MTA3: variants seen among roughly 807,000 people sequenced by gnomAD.
MTA3 encodes the protein metastasis-associated protein MTA3.
In MTA3, 34 loss-of-function variants were observed where a neutral mutation model predicts 83.5. The observed-to-expected ratio is 0.41, with a 90% CI of 0.31 to 0.54. The LOEUF is 0.54. Ranked by LOEUF, MTA3 falls within the 20% of genes least tolerant of loss-of-function variation. The pLI is 0.33. For synonymous variants in MTA3, 303 were observed against 252.7 expected (o/e 1.20, Z -1.89); for missense variants, 761 against 726.4 (o/e 1.05, Z -0.55).
chr2:42,508,286 T>C (rs1290173929), intron 2 of MTA3, among the ~76,000 whole-genome samples: 2 of 152,140 alleles, frequency 1.3e-5, no homozygotes, highest in East Asian at 1.9e-4. Context: ...TCCAAACCCA[T>C]AGAATCTCCA....
Position 42,531,445 on chromosome 2 carries a change from CTTTTTTTTTTTT to C in MTA3, c.-141+36205_-141+36216del, listed in dbSNP as rs10659582. ...TTTTAGTAGGATTCAGAAGCAAACT[CTTTTTTTTTTTT>C]TTTTTTTTTTTTTGAGAAGGACTCT... is the stretch of plus-strand genomic sequence containing the variant. On this transcript the variant is annotated intron_variant, in intron 2 of 17. Transcript: ENST00000405592. Among the ~76,000 whole-genome samples the C allele has an allele frequency of 6.6e-5, 5 of 75,344 alleles. No individual in the cohort carries two copies. In the Admixed American group the frequency reaches 7.5e-4, roughly 11 times the overall value. 49.4% of individuals were successfully genotyped at this position (75,344 alleles called of 152,430 possible). A position where few individuals can be genotyped will look rare whatever the true frequency, so the allele number is the denominator to read the frequency against.
At chr2:42,625,084 T>C (rs759106363) in intron 4 of MTA3, among the ~76,000 whole-genome samples, 5 of 152,072 alleles carry the variant, frequency 3.3e-5, no homozygotes, top group African/African-American at 9.7e-5. Context: ...CAGGCTGGAG[T>C]GCAGTGGCGC....
chr2:42,712,080 A>G (rs963035583), intron 14 of MTA3, among the ~76,000 whole-genome samples: 1 of 152,146 alleles, frequency 6.6e-6, no homozygotes, highest in Non-Finnish European at 1.5e-5. Flanking sequence ...CACCATCACA[A>G]CCAGTGTCAT....
intron 3 of MTA3, among the ~76,000 whole-genome samples, chr2:42,596,661 C>T (rs1433408440): frequency 6.6e-6 from 1 of 152,090 alleles, no homozygotes; most frequent in East Asian, 1.9e-4. Flanking sequence ...TGTCACATTG[C>T]TTATTGATCA....
intron 3 of MTA3, among the ~76,000 whole-genome samples, chr2:42,599,320 G>A (rs1028775494): frequency 6.6e-6 from 1 of 152,086 alleles, no homozygotes; most frequent in Non-Finnish European, 1.5e-5. Flanking sequence ...CGGGCGCGGC[G>A]GCTTATGCCT....
intron 2 of MTA3, among the ~76,000 whole-genome samples, chr2:42,539,516 G>A (rs746187284): frequency 1.3e-5 from 2 of 150,558 alleles, no homozygotes; most frequent in Non-Finnish European, 2.9e-5. Flanking sequence ...GGGATTATGG[G>A]ACCTACAATT....
chr2:42,729,086 G>GTTTTTTGTTTTTTTTTTTTTTT lies in MTA3; in HGVS notation c.1759+6057_1759+6058insGTTTTTTTTTTTTTTTTTTTTT, dbSNP rs1430675726. 2.5e-4 allele frequency among the ~76,000 whole-genome samples: 15 copies of GTTTTTTGTTTTTTTTTTTTTTT among 60,130 alleles called. 1 individual carries two copies. The highest frequency in any genetic ancestry group is 7.8e-4 in the Admixed American group (3 of 3,860). The allele number at this position is 60,130 out of a possible 152,430, so 39.4% of individuals were successfully genotyped here. A position where few individuals can be genotyped will look rare whatever the true frequency, so the allele number is the denominator to read the frequency against. Reference sequence around the variant, plus strand: ...TTCTTTTATTAGTTTCACAGTTTGAGTTTTTTTTTTTTTTTTTTTTTTTTT... The same window carrying GTTTTTTGTTTTTTTTTTTTTTT: ...TTCTTTTATTAGTTTCACAGTTTGAGTTTTTTGTTTTTTTTTTTTTTTTTTTTTTTTTTTTTTTTTTTTTTTT... On this transcript the variant is annotated intron_variant, in intron 16 of 16. Transcript: ENST00000405094.
chr2:42,689,519 T>C (rs1416899487), intron 9 of MTA3, among the ~76,000 whole-genome samples: 3 of 152,192 alleles, frequency 2.0e-5, no homozygotes. Flanking sequence ...TCATCTCTTT[T>C]TGGAAGGTTT....
intron 2 of MTA3, among the ~76,000 whole-genome samples, chr2:42,512,245 G>T (rs1279296396): frequency 6.6e-6 from 1 of 151,792 alleles, no homozygotes; most frequent in Admixed American, 6.6e-5. Context: ...TGGTGTGTAA[G>T]CCTGTCTCAG....
intron 2 of MTA3, among the ~76,000 whole-genome samples, chr2:42,560,790 C>T (rs1399711317): frequency 2.0e-5 from 3 of 151,922 alleles, no homozygotes; most frequent in East Asian, 3.9e-4. Flanking sequence ...GCCTGTAATC[C>T]CAGCTACTCA....
chr2:42,669,328 G>T (rs1438607822), intron 8 of MTA3, among the ~76,000 whole-genome samples: 1 of 151,910 alleles, frequency 6.6e-6, no homozygotes. Context: ...AAAGTGATCT[G>T]CCCACCTTAG....
At chr2:42,634,766 C>T (rs572105821) in intron 4 of MTA3, among the ~76,000 whole-genome samples, 48 of 152,186 alleles carry the variant, frequency 3.2e-4, no homozygotes, top group Non-Finnish European at 4.7e-4. Flanking sequence ...CAACTCCTCT[C>T]GATGGTGGCT....
At chr2:42,598,864 A>G (rs1278818817) in intron 3 of MTA3, among the ~76,000 whole-genome samples, 1 of 152,154 alleles carries the variant, frequency 6.6e-6, no homozygotes, top group African/African-American at 2.4e-5. Context: ...TCACATTAAC[A>G]CAGAAGCCTT....
At chr2:42,666,291 A>C (rs1435263344) in intron 8 of MTA3, among the ~76,000 whole-genome samples, 1 of 152,154 alleles carries the variant, frequency 6.6e-6, no homozygotes, top group African/African-American at 2.4e-5. Flanking sequence ...AAACAAAACA[A>C]AACAAAGCGT....
intron 16 of MTA3, among the ~76,000 whole-genome samples, chr2:42,741,833 A>T (rs1669057777): frequency 6.6e-6 from 1 of 152,244 alleles, no homozygotes; most frequent in Admixed American, 6.5e-5. Flanking sequence ...ATAAAGAAAA[A>T]GCTTGAAGTA....
chr2:42,544,614 C>A (rs1378343664), intron 2 of MTA3, among the ~76,000 whole-genome samples: 1 of 150,476 alleles, frequency 6.6e-6, no homozygotes, highest in Non-Finnish European at 1.5e-5. Context: ...GTCTCAAACT[C>A]CTGACCTCAG....
intron 8 of MTA3, among the ~76,000 whole-genome samples, chr2:42,664,857 A>G (rs1417696280): frequency 3.3e-5 from 5 of 152,136 alleles, no homozygotes. Flanking sequence ...GATTTATCCG[A>G]GACAATTTAT....
intron 6 of MTA3, among the ~76,000 whole-genome samples, chr2:42,652,730 T>C (rs1038637186): frequency 3.9e-5 from 6 of 152,216 alleles, no homozygotes; most frequent in African/African-American, 1.4e-4. Context: ...TTTTATTTCC[T>C]AGTGTTTTAT....
chr2:42,592,213 G>GA (rs1468464266), intron 3 of MTA3, among the ~76,000 whole-genome samples: 4 of 152,124 alleles, frequency 2.6e-5, no homozygotes, highest in African/African-American at 9.7e-5. Context: ...AGTGAGCTGA[G>GA]ATCATGCCTC....
Sources: allele counts gnomAD v4.1 joint callset (sites outside exome capture counted in the v4.1 genomes callset), GRCh38; gene constraint gnomAD v4.1.1; transcripts MANE v1.5; gene names NCBI Gene and HGNC (gene_info 2026-07-23, HGNC 2026-07-21).